APH1B: variants seen among roughly 807,000 people sequenced by gnomAD.
The protein encoded by APH1B is aph-1B gamma-secretase subunit.
In APH1B, 27 loss-of-function variants were observed where a neutral mutation model predicts 28.2. The ratio of observed to expected loss-of-function variants is 0.96; its 90% CI spans 0.70 to 1.32. The LOEUF (loss-of-function observed/expected upper bound fraction) is 1.32. Ranked by LOEUF, APH1B falls within the 40% of genes most tolerant of loss-of-function variation. APH1B has a pLI of 0.00. For synonymous variants in APH1B, 141 were observed against 124.6 expected (o/e 1.13, Z -0.88); for missense variants, 305 against 313.6 (o/e 0.97, Z 0.21).
intron 4 of APH1B, among the ~76,000 whole-genome samples, chr15:63,294,649 A>T (rs2038545431): frequency 6.6e-6 from 1 of 152,200 alleles, no homozygotes; most frequent in Non-Finnish European, 1.5e-5. Context: ...TATTTGCATA[A>T]ATGTTTGGAA....
intron 4 of APH1B, among the ~76,000 whole-genome samples, chr15:63,292,182 G>A (rs570645669): frequency 2.4e-4 from 36 of 152,216 alleles, no homozygotes; most frequent in Non-Finnish European, 2.9e-4. Flanking sequence ...TTCCAAAGTA[G>A]TAGAGAAAGT....
In APH1B at chr15:63,296,546, G is replaced by A. The variant is rs563853860; in HGVS notation, c.479-5799G>A. Among the ~76,000 whole-genome samples the A allele has an allele frequency of 3.3e-5, 5 of 152,334 alleles. No individual in the cohort carries two copies. In the East Asian group the frequency reaches 7.7e-4, roughly 23 times the overall value. On this transcript the variant is annotated intron_variant, in intron 4 of 5. Transcript: ENST00000261879. ...TTGCAAGGACAGAAAAATAGGCATC[G>A]GGAATGAGGGAAAGGAACACGTGTG...
At chr15:63,299,473 C>A (rs757659726) in intron 4 of APH1B, among the ~76,000 whole-genome samples, 14 of 152,096 alleles carry the variant, frequency 9.2e-5, no homozygotes, top group Non-Finnish European at 1.8e-4. Flanking sequence ...GGCACTATCT[C>A]GGCTCACTGC....
At chr15:63,287,352 T>G in intron 3 of APH1B, 72 bp from the exon 4 acceptor site, 1 of 1,588,162 alleles carries the variant, frequency 6.3e-7, no homozygotes, top group Non-Finnish European at 8.6e-7. Context: ...CACTTTGTAT[T>G]AACTAGTCCT....
At chr15:63,278,281 C>T (rs374581399) in intron 1 of APH1B, 36 of 456,442 alleles carry the variant, frequency 7.9e-5, no homozygotes, top group South Asian at 3.4e-4. Flanking sequence ...TGGATGGTTC[C>T]GTTGTGCAGC....
At chr15:63,294,306 A>G (rs2038540446) in intron 4 of APH1B, among the ~76,000 whole-genome samples, 1 of 152,116 alleles carries the variant, frequency 6.6e-6, no homozygotes, top group South Asian at 2.1e-4. Context: ...AAATCCCACT[A>G]TTTCCAACTT....
intron 3 of APH1B, 107 bp from the exon 4 acceptor site, chr15:63,287,317 C>T (rs2038457774): frequency 1.4e-6 from 2 of 1,473,084 alleles, no homozygotes; most frequent in East Asian, 2.4e-5. Context: ...TCAGGAAGAA[C>T]ATAAGCACCC....
rs1279928218 is a variant in APH1B at position 63,307,680 on chromosome 15, A to G, written c.*1899A>G. The G allele has an allele frequency of 1.3e-5, 2 of 152,244 alleles. No homozygotes were observed. The highest frequency in any genetic ancestry group is 2.9e-5 in the Non-Finnish European group (2 of 68,038). 9.4% of individuals were successfully genotyped at this position (152,244 alleles called of 1,614,324 possible). On this transcript the variant is annotated 3_prime_UTR_variant, in exon 6 of 6. Transcript: ENST00000261879. ...ATACATAGTTGGTTATTATGGACTT[A>G]AAACTGTGTTAAATGGATATTCTGA...
chr15:63,292,780 A>G lies in APH1B; in HGVS notation c.478+5234A>G, dbSNP rs558768710. Reference sequence around the variant, plus strand: ...ATTGTACTTTTTGGAATGCACTTTCATTAAATGGATATGACCTATCATAGT... The same window carrying G: ...ATTGTACTTTTTGGAATGCACTTTCGTTAAATGGATATGACCTATCATAGT... On this transcript the variant is annotated intron_variant, in intron 4 of 5. Coordinates refer to ENST00000261879, the MANE Select transcript of APH1B (RefSeq NM_031301.4). Among the ~76,000 whole-genome samples the G allele has an allele frequency of 1.7e-4, 26 of 152,388 alleles. No individual in the cohort carries two copies. The East Asian group carries it at 3.7e-3, about 21-fold the overall frequency.
rs1038107911 is a variant in APH1B at position 63,307,939 on chromosome 15, A to G, written c.*2158A>G. 3 of 152,362 alleles carry G rather than the reference A, an allele frequency of 2.0e-5. No homozygotes were observed. Among genetic ancestry groups the G allele is most frequent in the East Asian group, 1.9e-4 (1 of 5,190 alleles). The allele number at this position is 152,362 out of a possible 1,614,324, so 9.4% of individuals were successfully genotyped here. On this transcript the variant is annotated 3_prime_UTR_variant, in exon 6 of 6. Coordinates refer to ENST00000261879, the MANE Select transcript of APH1B (RefSeq NM_031301.4). ...ATCCTTTGTTACCTGTGAATGAAGG[A>G]ACTTTGTAATTCTGATTTATCGTAA...
intron 4 of APH1B, among the ~76,000 whole-genome samples, chr15:63,298,536 A>T (rs536536071): frequency 6.6e-6 from 1 of 152,310 alleles, no homozygotes; most frequent in East Asian, 1.9e-4. Context: ...GACATAGTCA[A>T]GTACCCAGGA....
At chr15:63,282,373 T>C (rs12899503) in intron 2 of APH1B, among the ~76,000 whole-genome samples, 34,275 of 152,144 alleles carry the variant, frequency 0.23, 4,108 homozygotes, top group East Asian at 0.47. Context: ...AAATATTCAT[T>C]GCAATCTAAT....
Position 63,305,660 on chromosome 15 carries a change from T to C in APH1B, c.653T>C (p.Ile218Thr). The C allele has an allele frequency of 4.3e-6, 7 of 1,614,230 alleles. No individual in the cohort carries two copies. The highest frequency in any genetic ancestry group is 5.9e-6 in the Non-Finnish European group (7 of 1,180,040). Residue 218 changes from isoleucine to threonine, a missense_variant, in exon 6 of 6, where the codon ATA (isoleucine) becomes ACA (threonine). Physicochemically the swap from Ile to Thr is moderately conservative, Grantham distance 89. Transcript: ENST00000261879. ...YYGINLASAF[I>T]ILVLMGTWAF... is the part of the protein sequence containing the mutation. ...GGAATAAACCTGGCGTCAGCATTTATAATCCTGGTGCTCATGGGCACCTGG... is the reference window on the plus strand; with the variant it reads ...GGAATAAACCTGGCGTCAGCATTTACAATCCTGGTGCTCATGGGCACCTGG...
At chr15:63,294,508 C>T (rs570494720) in intron 4 of APH1B, among the ~76,000 whole-genome samples, 1 of 152,336 alleles carries the variant, frequency 6.6e-6, no homozygotes, top group Non-Finnish European at 1.5e-5. Flanking sequence ...CACAGCTCTG[C>T]TAAAGACAGT....
chr15:63,302,636 AC>A, intron 5 of APH1B, 164 bp downstream of exon 5: 1 of 914,688 alleles, frequency 1.1e-6, no homozygotes, highest in Non-Finnish European at 1.5e-6. Flanking sequence ...CCACAAAAAG[AC>A]CACCACTATT....
Sources: gnomAD v4.1 joint callset for allele counts (sites outside exome capture counted in the v4.1 genomes callset) on GRCh38, gnomAD v4.1.1 for gene constraint, MANE v1.5 for transcripts, NCBI Gene and HGNC (gene_info 2026-07-23, HGNC 2026-07-21) for gene names.